ACSL4: variants seen among roughly 807,000 people sequenced by gnomAD.
ACSL4 encodes long-chain-fatty-acid--CoA ligase 4.
Under a neutral mutation model 49.1 loss-of-function variants are expected in ACSL4, and 9 were observed. That is an observed-to-expected ratio of 0.18 (90% confidence interval 0.11 to 0.32). The LOEUF is 0.32. ACSL4 is among the 10% of genes least tolerant of loss of function. The pLI, the probability that ACSL4 is intolerant of heterozygous loss-of-function variation, is 1.00. For synonymous variants in ACSL4, 191 were observed against 170.3 expected (o/e 1.12, Z -0.95); for missense variants, 333 against 493.7 (o/e 0.67, Z 3.08).
chrX:109,702,007 C>T (rs762835370), intron 1 of ACSL4, among the ~76,000 whole-genome samples: 52 of 103,978 alleles, frequency 5.0e-4, no homozygotes, highest in African/African-American at 1.8e-3. Flanking sequence ...GTCAGGAGTT[C>T]GAGACCAGCC....
In ACSL4 at chrX:109,678,333, T is replaced by C; in HGVS notation, c.738A>G (p.Gly246=). The part of the protein sequence containing the change: ...YTSGSTGRPK[G]VMMHHSNLIA... ...TCAAATTGCTATGATGCATCATCAC[T>C]CCCTTAGGTCGGCCAGTAGAACCAC... Residue 246 remains glycine (G), a synonymous_variant, in exon 7 of 16, where the codon GGA becomes GGG. Transcript: ENST00000672401. The C allele has an allele frequency of 8.3e-7, 1 of 1,211,635 alleles. No individual in the cohort carries two copies. The highest frequency in any genetic ancestry group is 1.8e-5 in the South Asian group (1 of 56,989).
intron 1 of ACSL4, among the ~76,000 whole-genome samples, chrX:109,705,304 T>C (rs1926269296): frequency 8.9e-6 from 1 of 112,065 alleles, no homozygotes; most frequent in East Asian, 2.8e-4. Context: ...CAGTGTACAT[T>C]TCTTAGGACA....
rs1023366760 is a variant in ACSL4 at position 109,646,976 on chromosome X, T to C, written c.1856-2790A>G. Among the ~76,000 whole-genome samples the C allele has an allele frequency of 1.9e-4, 21 of 111,678 alleles. 1 individual carries two copies. Among genetic ancestry groups the C allele is most frequent in the African/African-American group, 9.8e-5 (3 of 30,643 alleles). On this transcript the variant is annotated intron_variant, in intron 15 of 15. Coordinates refer to ENST00000672401, the MANE Select transcript of ACSL4 (RefSeq NM_001318510.2). ...TCAATTCAACAAGAAGAGCTAACTA[T>C]CCTAAATATATATGCACCTAATACA... is the stretch of plus-strand genomic sequence containing the variant.
At chrX:109,649,428 G>T (rs749422257) in intron 15 of ACSL4, among the ~76,000 whole-genome samples, 2 of 111,579 alleles carry the variant, frequency 1.8e-5, no homozygotes, top group Non-Finnish European at 3.8e-5. Flanking sequence ...AATGGGGAAA[G>T]GATTCCCTAT....
chrX:109,668,321 T>G, intron 10 of ACSL4, 48 bp from the exon 11 acceptor site: 1 of 1,040,950 alleles, frequency 9.6e-7, no homozygotes, highest in East Asian at 3.1e-5. Flanking sequence ...TACATTATTC[T>G]TGGCAACACA....
chrX:109,644,537 G>C (rs1160755041), intron 15 of ACSL4, among the ~76,000 whole-genome samples: 2 of 111,788 alleles, frequency 1.8e-5, no homozygotes, highest in Non-Finnish European at 3.8e-5. Flanking sequence ...TTCCTCTTCA[G>C]AGACTTTATA....
intron 15 of ACSL4, among the ~76,000 whole-genome samples, chrX:109,647,193 T>G (rs1298618901): frequency 3.6e-5 from 4 of 110,738 alleles, no homozygotes; most frequent in Non-Finnish European, 7.6e-5. Flanking sequence ...TCTACAGAAC[T>G]CTCCACTCCA....
intron 2 of ACSL4, among the ~76,000 whole-genome samples, chrX:109,690,653 G>A (rs1419507048): frequency 9.3e-6 from 1 of 107,883 alleles, no homozygotes; most frequent in East Asian, 3.0e-4. Flanking sequence ...TGTGATCCTA[G>A]TAATACTGGT....
Position 109,695,209 on chromosome X carries a change from A to G in ACSL4, c.-13+935T>C, listed in dbSNP as rs145081212. Among the ~76,000 whole-genome samples the G allele has an allele frequency of 4.4e-3, 482 of 109,059 alleles. 4 individuals are homozygous for G. Among genetic ancestry groups the G allele is most frequent in the African/African-American group, 0.014 (431 of 29,983 alleles). 94.7% of individuals were successfully genotyped at this position (109,059 alleles called of 115,157 possible). A position where few individuals can be genotyped will look rare whatever the true frequency, so the allele number is the denominator to read the frequency against. On this transcript the variant is annotated intron_variant, in intron 2 of 15. Coordinates refer to ENST00000672401, the MANE Select transcript of ACSL4 (RefSeq NM_001318510.2). Reference sequence around the variant, plus strand: ...AAAATACAAAAGTTAGCCAGGCGCCATGGCGGGCACCTATAATCCCAGCTA... The same window carrying G: ...AAAATACAAAAGTTAGCCAGGCGCCGTGGCGGGCACCTATAATCCCAGCTA...
chrX:109,662,591 T>TG (rs1410312298), intron 13 of ACSL4, among the ~76,000 whole-genome samples: 3 of 111,232 alleles, frequency 2.7e-5, no homozygotes, highest in Non-Finnish European at 3.8e-5. Flanking sequence ...GGGCCCATTT[T>TG]GGAGTCATTT....
chrX:109,671,004 G>C, intron 9 of ACSL4, among the ~76,000 whole-genome samples: 1 of 112,417 alleles, frequency 8.9e-6, no homozygotes, highest in Non-Finnish European at 1.9e-5. Flanking sequence ...GCCTGCCTTG[G>C]CCTCCCAAAG....
intron 15 of ACSL4, among the ~76,000 whole-genome samples, chrX:109,657,666 T>C (rs764190298): frequency 1.8e-5 from 2 of 111,628 alleles, no homozygotes; most frequent in Admixed American, 9.5e-5. Context: ...TGAATAGTGC[T>C]GCAATAAACA....
At chrX:109,671,244 C>G (rs1923189285) in intron 9 of ACSL4, among the ~76,000 whole-genome samples, 2 of 110,831 alleles carry the variant, frequency 1.8e-5, no homozygotes, top group Admixed American at 9.4e-5. Flanking sequence ...GCCGCCCCAT[C>G]TGAGATGTGA....
intron 2 of ACSL4, chrX:109,683,609 C>A: frequency 1.9e-6 from 1 of 530,958 alleles, no homozygotes; most frequent in South Asian, 2.9e-5. Context: ...CAAGGCAGTT[C>A]AATCTTAGTG....
intron 15 of ACSL4, among the ~76,000 whole-genome samples, chrX:109,652,165 T>A (rs901379053): frequency 5.4e-5 from 6 of 112,064 alleles, no homozygotes; most frequent in African/African-American, 1.9e-4. Flanking sequence ...ACTTAAAATA[T>A]GAAGAGGCCT....
intron 2 of ACSL4, among the ~76,000 whole-genome samples, chrX:109,689,606 C>A (rs1469835874): frequency 8.9e-6 from 1 of 112,131 alleles, no homozygotes; most frequent in Non-Finnish European, 1.9e-5. Context: ...GTTCTCTCTG[C>A]CTGGAATGTT....
chrX:109,668,445 C>A (rs1360640225), intron 10 of ACSL4, among the ~76,000 whole-genome samples, 172 bp from the exon 11 acceptor site: 1 of 111,266 alleles, frequency 9.0e-6, no homozygotes, highest in Non-Finnish European at 1.9e-5. Context: ...TGTAAAAATG[C>A]CAGAAAAAAC....
intron 12 of ACSL4, among the ~76,000 whole-genome samples, chrX:109,664,262 A>G (rs931543045): frequency 3.6e-5 from 4 of 111,846 alleles, no homozygotes; most frequent in African/African-American, 9.7e-5. Flanking sequence ...CTACTCCCCA[A>G]AACTGACATT....
chrX:109,666,257 G>C (rs1239584907), intron 11 of ACSL4, among the ~76,000 whole-genome samples: 1 of 111,989 alleles, frequency 8.9e-6, no homozygotes, highest in East Asian at 2.8e-4. Context: ...AAATGAAGTA[G>C]TTAGGAAAGA....
Sources: gnomAD v4.1 joint callset for allele counts (sites outside exome capture counted in the v4.1 genomes callset) on GRCh38, gnomAD v4.1.1 for gene constraint, MANE v1.5 for transcripts, NCBI Gene and HGNC (gene_info 2026-07-23, HGNC 2026-07-21) for gene names.